Variants in RABGAP1L observed in about 807,000 individuals in gnomAD.
The protein encoded by RABGAP1L is rab GTPase-activating protein 1-like.
In RABGAP1L, 63 loss-of-function variants were observed where a neutral mutation model predicts 137.7. The ratio of observed to expected loss-of-function variants is 0.46; its 90% CI spans 0.37 to 0.56. The LOEUF (loss-of-function observed/expected upper bound fraction) is 0.56. Among genes scored for constraint, RABGAP1L ranks in the 20% least tolerant of loss-of-function variants. The probability of loss-of-function intolerance (pLI) is 0.00; values close to 1 mark genes in which losing one functional copy is unlikely to be tolerated. For synonymous variants in RABGAP1L, 431 were observed against 433.7 expected (o/e 0.99, Z 0.08); for missense variants, 1,095 against 1,244.0 (o/e 0.88, Z 1.80).
chr1:174,701,265 T>G, intron 16 of RABGAP1L: 2 of 1,214,342 alleles, frequency 1.6e-6, no homozygotes, highest in Non-Finnish European at 2.1e-6. Context: ...ATATCCAATT[T>G]TATATATTAT....
chr1:174,346,605 A>G (rs1682451982), intron 11 of RABGAP1L, among the ~76,000 whole-genome samples: 1 of 151,570 alleles, frequency 6.6e-6, no homozygotes, highest in Non-Finnish European at 1.5e-5. Context: ...TTTATCTCTG[A>G]TTTCATTTAT....
intron 19 of RABGAP1L, among the ~76,000 whole-genome samples, chr1:174,813,804 A>G (rs993188256): frequency 2.0e-5 from 3 of 152,174 alleles, no homozygotes; most frequent in Non-Finnish European, 4.4e-5. Flanking sequence ...GTGGGTGGTG[A>G]GTTTGAAAGG....
chr1:174,605,646 T>C (rs560882792), intron 13 of RABGAP1L, among the ~76,000 whole-genome samples: 1 of 152,344 alleles, frequency 6.6e-6, no homozygotes, highest in South Asian at 2.1e-4. Flanking sequence ...TCACATGGAA[T>C]ATTTACTCAA....
chr1:174,267,700 T>C (rs1327495996), intron 7 of RABGAP1L, among the ~76,000 whole-genome samples: 2 of 152,252 alleles, frequency 1.3e-5, no homozygotes, highest in African/African-American at 2.4e-5. Flanking sequence ...ATATTCTTGA[T>C]AAGTTTTTTT....
intron 11 of RABGAP1L, among the ~76,000 whole-genome samples, chr1:174,327,960 T>TATATATATACATAC (rs1558135750): frequency 8.2e-5 from 1 of 12,234 alleles, no homozygotes; most frequent in African/African-American, 6.5e-4. Flanking sequence ...GTTGTAAATA[T>TATATATATACATAC]ATATATATAT....
intron 14 of RABGAP1L, among the ~76,000 whole-genome samples, chr1:174,651,344 A>G (rs1054078157): frequency 2.0e-5 from 3 of 152,296 alleles, no homozygotes; most frequent in East Asian, 1.9e-4. Context: ...GTTGATGTCT[A>G]TTAGGTCTGC....
At chr1:174,491,633 C>T (rs1660245723) in intron 13 of RABGAP1L, among the ~76,000 whole-genome samples, 1 of 152,106 alleles carries the variant, frequency 6.6e-6, no homozygotes, top group African/African-American at 2.4e-5. Context: ...GCTCTGACAC[C>T]AGCCCAGCAC....
At chr1:174,422,945 CAA>C (rs202100563) in intron 13 of RABGAP1L, among the ~76,000 whole-genome samples, 251 of 79,626 alleles carry the variant, frequency 3.2e-3, no homozygotes, top group East Asian at 0.018. Flanking sequence ...AGATTCTGTC[CAA>C]AAAAAAAAAA....
intron 10 of RABGAP1L, among the ~76,000 whole-genome samples, chr1:174,279,675 GTTAT>G (rs1558094353): frequency 6.6e-6 from 1 of 152,040 alleles, no homozygotes; most frequent in African/African-American, 2.4e-5. Context: ...TATTATGGCT[GTTAT>G]TTGACTCAGT....
chr1:174,852,453 GC>G (rs905171879), intron 19 of RABGAP1L, among the ~76,000 whole-genome samples: 1 of 152,144 alleles, frequency 6.6e-6, no homozygotes, highest in African/African-American at 2.4e-5. Context: ...CTTGTTGTAA[GC>G]CTGCTGAGGT....
intron 14 of RABGAP1L, among the ~76,000 whole-genome samples, chr1:174,664,897 C>T (rs1254641554): frequency 6.6e-6 from 1 of 151,906 alleles, no homozygotes; most frequent in Admixed American, 6.6e-5. Context: ...GCCACCACAC[C>T]TGGCTAATTT....
At chr1:174,207,850 T>C (rs769314950) in intron 1 of RABGAP1L, among the ~76,000 whole-genome samples, 1 of 152,200 alleles carries the variant, frequency 6.6e-6, no homozygotes, top group African/African-American at 2.4e-5. Context: ...TTTAAGGAAC[T>C]GGTCTCCTTC....
At chr1:174,179,671 A>G (rs1666196152) in intron 1 of RABGAP1L, among the ~76,000 whole-genome samples, 1 of 152,070 alleles carries the variant, frequency 6.6e-6, no homozygotes, top group African/African-American at 2.4e-5. Flanking sequence ...CAGCAATCTT[A>G]CCCACCATTG....
intron 13 of RABGAP1L, among the ~76,000 whole-genome samples, chr1:174,428,970 C>T (rs907408858): frequency 3.0e-5 from 4 of 131,464 alleles, no homozygotes; most frequent in East Asian, 3.9e-4. Context: ...CTGAGAGCTA[C>T]AACACAGATT....
chr1:174,327,431 A>C (rs1041483603), intron 11 of RABGAP1L, among the ~76,000 whole-genome samples: 3 of 152,092 alleles, frequency 2.0e-5, no homozygotes, highest in Non-Finnish European at 4.4e-5. Flanking sequence ...TGTCAGCTTA[A>C]AATAATATAA....
intron 20 of RABGAP1L, among the ~76,000 whole-genome samples, chr1:174,961,478 A>G (rs1018743877): frequency 6.6e-6 from 1 of 152,188 alleles, no homozygotes; most frequent in Non-Finnish European, 1.5e-5. Flanking sequence ...GCCTTCATCT[A>G]CCTTTGGAGA....
At chr1:174,765,807 G>A (rs1685621558) in intron 18 of RABGAP1L, among the ~76,000 whole-genome samples, 1 of 152,158 alleles carries the variant, frequency 6.6e-6, no homozygotes, top group Non-Finnish European at 1.5e-5. Flanking sequence ...TCATATCTAA[G>A]GTCACGAAAA....
At chr1:174,320,499 C>G (rs1027495561) in intron 11 of RABGAP1L, among the ~76,000 whole-genome samples, 1 of 152,132 alleles carries the variant, frequency 6.6e-6, no homozygotes. Flanking sequence ...TGGGTTATTT[C>G]TAGCTACTGG....
chr1:174,367,070 C>T (rs1389702179), intron 11 of RABGAP1L: 2 of 152,128 alleles, frequency 1.3e-5, no homozygotes, highest in Admixed American at 6.5e-5. Flanking sequence ...CAAACACAGT[C>T]GTCACACAAT....
Sources: allele counts gnomAD v4.1 joint callset (sites outside exome capture counted in the v4.1 genomes callset), GRCh38; gene constraint gnomAD v4.1.1; transcripts MANE v1.5; gene names NCBI Gene and HGNC (gene_info 2026-07-23, HGNC 2026-07-21).